TBC1D5: variants seen among roughly 807,000 people sequenced by gnomAD.
TBC1D5 encodes TBC1 domain family member 5.
TBC1D5 carries 75 observed loss-of-function variants against 100.3 expected under a neutral mutation model. That is an observed-to-expected ratio of 0.75 (90% CI 0.62 to 0.91). The LOEUF is 0.91. Among genes scored for constraint, TBC1D5 ranks in the 40% least tolerant of loss-of-function variants. TBC1D5 has a pLI of 0.00. For synonymous variants in TBC1D5, 323 were observed against 325.6 expected (o/e 0.99, Z 0.09); for missense variants, 910 against 942.4 (o/e 0.97, Z 0.45).
Position 17,325,525 on chromosome 3 carries a change from T to C in TBC1D5, c.996-17391A>G, listed in dbSNP as rs573624051. Among the ~76,000 whole-genome samples the C allele has an allele frequency of 5.9e-5, 9 of 152,264 alleles. 1 individual carries two copies. The South Asian group carries it at 1.7e-3, about 28-fold the overall frequency. On this transcript the variant is annotated intron_variant, in intron 13 of 21. Coordinates refer to ENST00000253692, the Ensembl canonical transcript of TBC1D5. Reference sequence around the variant, plus strand: ...TTTTAGTAGAGACAGGGTTTCACCATGTTGGCCAGGCTGGTCTTGAACTCC... The same window carrying C: ...TTTTAGTAGAGACAGGGTTTCACCACGTTGGCCAGGCTGGTCTTGAACTCC...
intron 2 of TBC1D5, among the ~76,000 whole-genome samples, chr3:17,596,791 G>A (rs541167326): frequency 6.6e-6 from 1 of 151,338 alleles, no homozygotes; most frequent in Non-Finnish European, 1.5e-5. Context: ...TACCAAAGCA[G>A]TATTCAGGAC....
rs1224220563 is a variant in TBC1D5, at chr3:17,603,155, GTTT to G, written c.-36+20691_-36+20693del. ...CCAAAAAGATTCTTTAAGTTTTTTG[GTTT>G]TTTTTTTTTTTTTTTGAGACAGGGT... is the stretch of plus-strand genomic sequence containing the variant. On this transcript the variant is annotated intron_variant, in intron 2 of 21. Coordinates refer to ENST00000253692, the Ensembl canonical transcript of TBC1D5. Among the ~76,000 whole-genome samples, 483 of 133,860 alleles carry G rather than the reference GTTT, an allele frequency of 3.6e-3. 2 individuals are homozygous for G. The highest frequency in any genetic ancestry group is 0.012 in the African/African-American group (455 of 37,370). The allele number at this position is 133,860 out of a possible 152,430, so 87.8% of individuals were successfully genotyped here. A position where few individuals can be genotyped will look rare whatever the true frequency, so the allele number is the denominator to read the frequency against.
intron 1 of TBC1D5, among the ~76,000 whole-genome samples, chr3:17,681,485 G>T (rs2069464551): frequency 6.6e-6 from 1 of 151,310 alleles, no homozygotes; most frequent in Non-Finnish European, 1.5e-5. Context: ...GAAAACTATA[G>T]AAAAAAATTA....
intron 1 of TBC1D5, among the ~76,000 whole-genome samples, chr3:17,684,649 CAA>C (rs574671883): frequency 1.3e-5 from 2 of 151,966 alleles, no homozygotes; most frequent in East Asian, 1.9e-4. Context: ...AAACTTCACA[CAA>C]GAGAATTATT....
intron 2 of TBC1D5, among the ~76,000 whole-genome samples, chr3:17,587,130 ATTT>A (rs948332748): frequency 6.6e-6 from 1 of 151,870 alleles, no homozygotes. Flanking sequence ...CTAAAGAAAA[ATTT>A]TTTTTCATCT....
intron 3 of TBC1D5, among the ~76,000 whole-genome samples, chr3:17,469,056 T>C (rs912173537): frequency 6.6e-6 from 1 of 152,148 alleles, no homozygotes; most frequent in African/African-American, 2.4e-5. Flanking sequence ...AACTGGAGTC[T>C]CCCTGGATAT....
chr3:17,604,990 T>C (rs2061247739), intron 2 of TBC1D5, among the ~76,000 whole-genome samples: 1 of 152,216 alleles, frequency 6.6e-6, no homozygotes, highest in African/African-American at 2.4e-5. Flanking sequence ...CCATGATATT[T>C]TGAATTCAAC....
chr3:17,167,836 T>C lies in TBC1D5; in HGVS notation c.1853-8A>G, dbSNP rs778186231. On this transcript the variant is annotated splice_polypyrimidine_tract_variant and splice_region_variant and intron_variant, in intron 19 of 21. Coordinates refer to ENST00000253692, the Ensembl canonical transcript of TBC1D5. Reference sequence around the variant, plus strand: ...TCACATCTTGAATATTTACTGAAAATAGAAGAATGACATTTTATAACCAAT... The same window carrying C: ...TCACATCTTGAATATTTACTGAAAACAGAAGAATGACATTTTATAACCAAT... The C allele has an allele frequency of 6.3e-6, 10 of 1,575,028 alleles. No individual in the cohort carries two copies. Among genetic ancestry groups the C allele is most frequent in the Admixed American group, 3.4e-5 (2 of 58,556 alleles).
intron 18 of TBC1D5, among the ~76,000 whole-genome samples, chr3:17,191,673 G>C (rs1270308104): frequency 6.6e-6 from 1 of 152,122 alleles, no homozygotes; most frequent in Non-Finnish European, 1.5e-5. Context: ...CTGGAGTGCA[G>C]TGGTGTGATC....
At chr3:17,328,135 T>C (rs1371217839) in intron 13 of TBC1D5, among the ~76,000 whole-genome samples, 1 of 152,046 alleles carries the variant, frequency 6.6e-6, no homozygotes, top group African/African-American at 2.4e-5. Flanking sequence ...CCAGGTGTGG[T>C]GGTACACACC....
At chr3:17,665,086 G>A (rs1437466564) in intron 1 of TBC1D5, 2 of 146,100 alleles carry the variant, frequency 1.4e-5, no homozygotes, top group Non-Finnish European at 3.0e-5. Context: ...GTTAAGGCCA[G>A]GAGGAAGCAT....
intron 18 of TBC1D5, among the ~76,000 whole-genome samples, chr3:17,188,033 A>G (rs2069363606): frequency 6.6e-6 from 1 of 152,260 alleles, no homozygotes; most frequent in South Asian, 2.1e-4. Context: ...GGAAGAACTT[A>G]GAAGACACGC....
chr3:17,439,105 C>T (rs2149507501), intron 3 of TBC1D5, among the ~76,000 whole-genome samples: 1 of 152,074 alleles, frequency 6.6e-6, no homozygotes, highest in Middle Eastern at 3.4e-3. Flanking sequence ...GAAAAGAATC[C>T]TTGGGGCACT....
intron 1 of TBC1D5, chr3:17,702,167 T>C (rs1377135899): frequency 6.6e-6 from 1 of 152,176 alleles, no homozygotes; most frequent in Non-Finnish European, 1.5e-5. Flanking sequence ...TGAGGTGAGC[T>C]ATATAATACT....
rs1417587024 is a variant in TBC1D5, at chr3:17,322,202, TTGTC to T, written c.996-14072_996-14069del. On this transcript the variant is annotated intron_variant, in intron 13 of 21. Coordinates refer to ENST00000253692, the Ensembl canonical transcript of TBC1D5. Reference sequence around the variant, plus strand: ...AATGTGATTTGCTTTAAAATTCACTTTGTCTGATATGAACATCATTACACATACC... The same window carrying T: ...AATGTGATTTGCTTTAAAATTCACTTTGATATGAACATCATTACACATACC... Among the ~76,000 whole-genome samples the T allele has an allele frequency of 3.3e-5, 5 of 152,376 alleles. No individual in the cohort carries two copies. The East Asian group carries it at 9.6e-4, about 29-fold the overall frequency.
At chr3:17,447,294 C>T (rs17043652) in intron 3 of TBC1D5, among the ~76,000 whole-genome samples, 13,865 of 152,074 alleles carry the variant, frequency 0.091, 1,423 homozygotes, top group African/African-American at 0.26. Context: ...GGGATCAGCA[C>T]GGGACTTTTC....
At chr3:17,277,962 C>G (rs1482787851) in intron 15 of TBC1D5, among the ~76,000 whole-genome samples, 2 of 152,110 alleles carry the variant, frequency 1.3e-5, no homozygotes, top group Non-Finnish European at 2.9e-5. Context: ...CAGAATAGTC[C>G]TATAACTGAA....
At position 17,608,007 on chromosome 3, in the gene TBC1D5, A is replaced by C. The variant is rs977927028; in HGVS notation, c.-36+15842T>G. Among the ~76,000 whole-genome samples, 3 of 152,224 alleles carry C rather than the reference A, an allele frequency of 2.0e-5. No individual in the cohort carries two copies. In the East Asian group the frequency reaches 5.8e-4, roughly 29 times the overall value. ...ATCTTTCCAAAATTCTACAGGAAACATAATACACAATGGTGACACATTAGA... is the reference window on the plus strand; with the variant it reads ...ATCTTTCCAAAATTCTACAGGAAACCTAATACACAATGGTGACACATTAGA... On this transcript the variant is annotated intron_variant, in intron 2 of 21. Transcript: ENST00000253692.
intron 15 of TBC1D5, among the ~76,000 whole-genome samples, chr3:17,262,774 C>A (rs1293521243): frequency 6.6e-6 from 1 of 152,034 alleles, no homozygotes; most frequent in Non-Finnish European, 1.5e-5. Context: ...AGCCACCACA[C>A]CCGGCCGACA....
Sources: gnomAD v4.1 joint callset for allele counts (sites outside exome capture counted in the v4.1 genomes callset) on GRCh38, gnomAD v4.1.1 for gene constraint, MANE v1.5 for transcripts, NCBI Gene and HGNC (gene_info 2026-07-23, HGNC 2026-07-21) for gene names.